The following NHSL1 variants were observed in gnomAD, a reference collection of about 807,000 sequenced individuals.
The protein encoded by NHSL1 is NHS-like protein 1.
Under a neutral mutation model 95.0 loss-of-function variants are expected in NHSL1, and 48 were observed. The ratio of observed to expected loss-of-function variants is 0.51; its 90% CI spans 0.40 to 0.64. NHSL1 has a LOEUF of 0.64. Ranked by LOEUF, NHSL1 falls within the 30% of genes least tolerant of loss-of-function variation. The pLI, the probability that NHSL1 is intolerant of heterozygous loss-of-function variation, is 0.00. For missense variants in NHSL1, 1,971 were observed against 2,077.7 expected (o/e 0.95, Z 1.00); for synonymous variants, 783 against 833.9 (o/e 0.94, Z 1.05).
chr6:138,578,479 C>T (rs938761976), intron 1 of NHSL1, among the ~76,000 whole-genome samples: 1 of 152,162 alleles, frequency 6.6e-6, no homozygotes. Flanking sequence ...TGTCCCCAAC[C>T]TAAGGAGTTC....
At chr6:138,659,788 C>T (rs1427887751) in intron 1 of NHSL1, among the ~76,000 whole-genome samples, 1 of 149,872 alleles carries the variant, frequency 6.7e-6, no homozygotes, top group African/African-American at 2.5e-5. Flanking sequence ...GCGATCTCAG[C>T]TCACTGCAAC....
At chr6:138,533,423 C>G (rs1453377416) in intron 1 of NHSL1, among the ~76,000 whole-genome samples, 1 of 152,030 alleles carries the variant, frequency 6.6e-6, no homozygotes, top group Non-Finnish European at 1.5e-5. Context: ...TTAGCCAGGC[C>G]TGTAATCCCA....
chr6:138,509,258 G>A (rs1252345116), intron 1 of NHSL1, among the ~76,000 whole-genome samples: 1 of 152,112 alleles, frequency 6.6e-6, no homozygotes, highest in Non-Finnish European at 1.5e-5. Context: ...GAAAAAAATT[G>A]ATGCAACCTT....
chr6:138,592,608 A>C (rs576417663), intron 1 of NHSL1, among the ~76,000 whole-genome samples: 2 of 133,278 alleles, frequency 1.5e-5, no homozygotes, highest in Non-Finnish European at 3.1e-5. Context: ...GCACAAAAAA[A>C]CAAAAAACAA....
At chr6:138,618,319 A>C (rs529005155) in intron 1 of NHSL1, among the ~76,000 whole-genome samples, 8 of 152,310 alleles carry the variant, frequency 5.3e-5, no homozygotes, top group Admixed American at 3.3e-4. Flanking sequence ...TATTTTCAAA[A>C]AGCTCCTCCA....
chr6:138,448,169 A>G (rs1445688214), intron 3 of NHSL1, among the ~76,000 whole-genome samples: 1 of 152,168 alleles, frequency 6.6e-6, no homozygotes, highest in Non-Finnish European at 1.5e-5. Context: ...AACACCTTAA[A>G]AAGTGTAAGC....
At chr6:138,605,166 T>C (rs1437821139) in intron 1 of NHSL1, among the ~76,000 whole-genome samples, 2 of 152,162 alleles carry the variant, frequency 1.3e-5, no homozygotes, top group Admixed American at 1.3e-4. Context: ...TGAAGCACAA[T>C]TAACTAGACA....
chr6:138,589,140 AG>A (rs781060478), intron 1 of NHSL1, among the ~76,000 whole-genome samples: 22 of 152,204 alleles, frequency 1.4e-4, no homozygotes, highest in Non-Finnish European at 2.6e-4. Context: ...CTAACATCTG[AG>A]GGTGGCTCAT....
chr6:138,627,528 G>A (rs1277131741), intron 1 of NHSL1, among the ~76,000 whole-genome samples: 3 of 151,964 alleles, frequency 2.0e-5, no homozygotes, highest in South Asian at 2.1e-4. Flanking sequence ...TTCTTTAATC[G>A]TCAGAAAAAA....
exon 1 of NHSL1, chr6:138,545,693 G>A (rs892730100): frequency 3.1e-6 from 4 of 1,286,096 alleles, no homozygotes; most frequent in South Asian, 1.2e-5. Context: ...AGCCTGCAGT[G>A]CTAGGCACAG....
chr6:138,637,606 G>T (rs1482259467), intron 1 of NHSL1, among the ~76,000 whole-genome samples: 2 of 152,100 alleles, frequency 1.3e-5, no homozygotes, highest in East Asian at 3.8e-4. Flanking sequence ...ACATGCAAAT[G>T]GCTAACAGGC....
intron 5 of NHSL1, among the ~76,000 whole-genome samples, chr6:138,439,639 T>C (rs1199681221): frequency 6.6e-6 from 1 of 152,208 alleles, no homozygotes; most frequent in Non-Finnish European, 1.5e-5. Context: ...AAAACCACAG[T>C]CCTTGTCTAA....
chr6:138,611,701 A>G (rs370426025), intron 1 of NHSL1, among the ~76,000 whole-genome samples: 1 of 152,078 alleles, frequency 6.6e-6, no homozygotes, highest in Non-Finnish European at 1.5e-5. Context: ...AGCTGAGATC[A>G]CGCCACTGCA....
chr6:138,489,021 G>A (rs1048482143), intron 2 of NHSL1, among the ~76,000 whole-genome samples: 9 of 152,182 alleles, frequency 5.9e-5, no homozygotes, highest in African/African-American at 1.9e-4. Flanking sequence ...TGCTCATGTG[G>A]ATGAAATGAA....
At chr6:138,618,663 T>C (rs1784613643) in intron 1 of NHSL1, among the ~76,000 whole-genome samples, 1 of 152,094 alleles carries the variant, frequency 6.6e-6, no homozygotes. Context: ...ATAAACACCA[T>C]TATGGAAGGG....
chr6:138,437,365 T>TATATATACAC (rs60380355), intron 5 of NHSL1, among the ~76,000 whole-genome samples: 62,770 of 90,960 alleles, frequency 0.69, 23,592 homozygotes, highest in East Asian at 0.89. Context: ...TACACATATA[T>TATATATACAC]ATATATACAC....
intron 1 of NHSL1, among the ~76,000 whole-genome samples, chr6:138,619,093 T>G (rs111358782): frequency 3.9e-5 from 6 of 152,130 alleles, no homozygotes; most frequent in African/African-American, 1.2e-4. Flanking sequence ...ATCCCAGCAC[T>G]CTGGAAGGCC....
chr6:138,562,413 G>C (rs1052740256), intron 1 of NHSL1, among the ~76,000 whole-genome samples: 4 of 152,172 alleles, frequency 2.6e-5, no homozygotes, highest in African/African-American at 9.7e-5. Flanking sequence ...TTGGGAGGCT[G>C]AGGCGGGTGG....
intron 1 of NHSL1, among the ~76,000 whole-genome samples, chr6:138,656,374 C>T (rs970147476): frequency 6.6e-6 from 1 of 152,112 alleles, no homozygotes; most frequent in Non-Finnish European, 1.5e-5. Context: ...TCAGGTGCCT[C>T]GGTATGGGAA....
Sources: gnomAD v4.1 joint callset for allele counts (sites outside exome capture counted in the v4.1 genomes callset) on GRCh38, gnomAD v4.1.1 for gene constraint, MANE v1.5 for transcripts, NCBI Gene and HGNC (gene_info 2026-07-23, HGNC 2026-07-21) for gene names.